The following PNKD variants were observed in gnomAD, a reference collection of about 807,000 sequenced individuals.
PNKD encodes PNKD metallo-beta-lactamase domain containing, also known as probable thioesterase PNKD.
PNKD carries 36 observed loss-of-function variants against 45.3 expected under a neutral mutation model. The observed-to-expected ratio is 0.80, with a 90% confidence interval of 0.61 to 1.05. PNKD has a LOEUF of 1.05. Among genes scored for constraint, PNKD ranks in the 50% least tolerant of loss-of-function variants. The probability of loss-of-function intolerance (pLI) is 0.00; values close to 1 mark genes in which losing one functional copy is unlikely to be tolerated. For synonymous variants in PNKD, 197 were observed against 210.1 expected (o/e 0.94, Z 0.54); for missense variants, 511 against 506.6 (o/e 1.01, Z -0.08).
Position 218,336,769 on chromosome 2 carries a change from C to A in PNKD, c.237-3014C>A, listed in dbSNP as rs1333702793. Among the ~76,000 whole-genome samples the A allele has an allele frequency of 2.7e-5, 4 of 149,742 alleles. No individual in the cohort carries two copies. The East Asian group carries it at 7.9e-4, about 30-fold the overall frequency. ...GTGCTGGGATTACAGGAGTGAGTCACCACACCTGGCCTTCAATTCTTTTTT... is the reference window on the plus strand; with the variant it reads ...GTGCTGGGATTACAGGAGTGAGTCAACACACCTGGCCTTCAATTCTTTTTT... On this transcript the variant is annotated intron_variant, in intron 2 of 9. Coordinates refer to ENST00000273077, the MANE Select transcript of PNKD (RefSeq NM_015488.5).
chr2:218,319,962 G>A (rs1693940157), intron 2 of PNKD, among the ~76,000 whole-genome samples: 1 of 152,252 alleles, frequency 6.6e-6, no homozygotes, highest in Non-Finnish European at 1.5e-5. Context: ...AATGTTCCAA[G>A]GGGAGAGAGC....
chr2:218,306,749 A>G (rs1281617688), intron 2 of PNKD, among the ~76,000 whole-genome samples: 1 of 152,194 alleles, frequency 6.6e-6, no homozygotes, highest in African/African-American at 2.4e-5. Flanking sequence ...GCCAGGAATT[A>G]CTGCACAGCC....
At position 218,344,589 on chromosome 2, in the gene PNKD, AGGAG is replaced by A. The variant is rs1559095901; in HGVS notation, c.984+21_984+24del. On this transcript the variant is annotated intron_variant, in intron 9 of 9. Transcript: ENST00000273077. ...GGGCACGGTGAGGGACTCGGGGTCC[AGGAG>A]GAGCTGTGTGGGCAGGCACTCAGCC... 1 of 1,583,878 alleles carries A rather than the reference AGGAG, an allele frequency of 6.3e-7. No individual in the cohort carries two copies.
At chr2:218,334,486 A>G (rs745985457) in intron 2 of PNKD, among the ~76,000 whole-genome samples, 1 of 152,086 alleles carries the variant, frequency 6.6e-6, no homozygotes, top group Non-Finnish European at 1.5e-5. Flanking sequence ...AATCATCTCT[A>G]TACTAAAAAT....
chr2:218,283,156 T>C (rs557095353), intron 2 of PNKD, among the ~76,000 whole-genome samples: 4 of 152,114 alleles, frequency 2.6e-5, no homozygotes, highest in East Asian at 1.9e-4. Flanking sequence ...AAGAGCCCCA[T>C]AGCCAGGGGA....
At chr2:218,285,435 C>T (rs1440134802) in intron 2 of PNKD, among the ~76,000 whole-genome samples, 1 of 151,940 alleles carries the variant, frequency 6.6e-6, no homozygotes, top group African/African-American at 2.4e-5. Flanking sequence ...TTAGCCTCAA[C>T]AGGAGGCTGA....
Position 218,340,099 on chromosome 2 carries a change from G to A in PNKD, c.423G>A (p.Gln141=). Reference sequence around the variant, plus strand: ...ACCTCATCATCGACACCCAGGCCCAGCTGGCTGTGGCTGTGGACCCTTCAG... The same window carrying A: ...ACCTCATCATCGACACCCAGGCCCAACTGGCTGTGGCTGTGGACCCTTCAG... ...YSYLIIDTQA[Q]LAVAVDPSDP... is the part of the protein sequence containing the mutation. Residue 141 remains glutamine, a synonymous_variant, in exon 4 of 10, where the codon CAG becomes CAA. Transcript: ENST00000273077. The surrounding 1 kb of genome is among the most constrained non-coding windows in gnomAD (Gnocchi z 4.2). The A allele has an allele frequency of 6.2e-7, 1 of 1,613,886 alleles. No individual in the cohort carries two copies. Among genetic ancestry groups the A allele is most frequent in the Non-Finnish European group, 8.5e-7 (1 of 1,179,846 alleles).
chr2:218,343,207 A>T (rs1694732361), intron 7 of PNKD, among the ~76,000 whole-genome samples: 1 of 152,212 alleles, frequency 6.6e-6, no homozygotes, highest in Non-Finnish European at 1.5e-5. Context: ...CGTGGGAAAG[A>T]GCAGCCCTGC....
At chr2:218,322,718 G>T (rs1694020813) in intron 2 of PNKD, among the ~76,000 whole-genome samples, 1 of 152,192 alleles carries the variant, frequency 6.6e-6, no homozygotes, top group Non-Finnish European at 1.5e-5. Context: ...TCGCTTATTT[G>T]GTTCGTCGCC....
chr2:218,277,238 C>CACAGAA, intron 2 of PNKD: 2 of 1,166,980 alleles, frequency 1.7e-6, no homozygotes, highest in Non-Finnish European at 2.6e-6. Context: ...AGAAACAGGA[C>CACAGAA]ACAGTTTTGT....
At chr2:218,305,488 C>A (rs1225934989) in intron 2 of PNKD, among the ~76,000 whole-genome samples, 2 of 152,000 alleles carry the variant, frequency 1.3e-5, no homozygotes, top group Non-Finnish European at 2.9e-5. Context: ...GTAACTGGGA[C>A]CACAGGTGCA....
At chr2:218,337,305 C>A (rs748558767) in intron 2 of PNKD, among the ~76,000 whole-genome samples, 3 of 152,028 alleles carry the variant, frequency 2.0e-5, no homozygotes, top group Non-Finnish European at 4.4e-5. Context: ...GAACTCCTGA[C>A]CATGTGATCC....
intron 2 of PNKD, chr2:218,290,082 T>C (rs888869615): frequency 1.3e-5 from 2 of 152,076 alleles, no homozygotes; most frequent in East Asian, 3.8e-4. Flanking sequence ...GGAGCCACAG[T>C]GGAGAAACAG....
chr2:218,330,312 A>G (rs1022413996), intron 2 of PNKD, among the ~76,000 whole-genome samples: 1 of 152,066 alleles, frequency 6.6e-6, no homozygotes, highest in Non-Finnish European at 1.5e-5. Flanking sequence ...GGATGGTGAA[A>G]TGGCCCCACG....
chr2:218,271,068 T>G (rs546721326), intron 1 of PNKD: 2 of 500,966 alleles, frequency 4.0e-6, no homozygotes, highest in Admixed American at 3.3e-5. Context: ...TTTTCCCGGA[T>G]TTCCTTCATA....
intron 2 of PNKD, among the ~76,000 whole-genome samples, chr2:218,335,133 A>G (rs1694449506): frequency 6.6e-6 from 1 of 151,990 alleles, no homozygotes; most frequent in Non-Finnish European, 1.5e-5. Context: ...CCTGGCTGAC[A>G]GAGGAAGATC....
rs188535559 is a variant in PNKD at position 218,277,539 on chromosome 2, C to T, written c.236+5990C>T. 1.1e-5 allele frequency: 18 copies of T among 1,607,282 alleles called. No homozygotes were observed. In the African/African-American group the frequency reaches 2.3e-4, roughly 20 times the overall value. ...TCACCACTTCCAGAGGGGACCTGCCCAGAATCCACCCACGCAGCTGGCTGC... is the reference window on the plus strand; with the variant it reads ...TCACCACTTCCAGAGGGGACCTGCCTAGAATCCACCCACGCAGCTGGCTGC... On this transcript the variant is annotated intron_variant, in intron 2 of 9. Coordinates refer to ENST00000273077, the MANE Select transcript of PNKD (RefSeq NM_015488.5).
chr2:218,309,289 C>T (rs981221117), intron 2 of PNKD, among the ~76,000 whole-genome samples: 3 of 151,290 alleles, frequency 2.0e-5, no homozygotes, highest in Non-Finnish European at 4.4e-5. Flanking sequence ...CGTGGTGGTG[C>T]ATGCCTGTAG....
In PNKD at chr2:218,323,127, A is replaced by G. The variant is rs1042516172; in HGVS notation, c.237-16656A>G. On this transcript the variant is annotated intron_variant, in intron 2 of 9. Transcript: ENST00000273077. ...CTGGAGGTGGTGAGGGGGCGGGTCC[A>G]AAGGAGAGGTCAATGGGCGGGGCGG... The G allele has an allele frequency of 1.9e-5, 24 of 1,291,486 alleles. No homozygotes were observed. In the African/African-American group the frequency reaches 3.5e-4, roughly 19 times the overall value. 80.0% of individuals were successfully genotyped at this position (1,291,486 alleles called of 1,614,324 possible).
Sources: allele counts gnomAD v4.1 joint callset (sites outside exome capture counted in the v4.1 genomes callset), GRCh38; gene constraint gnomAD v4.1.1; non-coding constraint Gnocchi (gnomAD v3.1); transcripts MANE v1.5; gene names NCBI Gene and HGNC (gene_info 2026-07-23, HGNC 2026-07-21).